Variants in ST18 observed in about 807,000 individuals in gnomAD.
ST18 encodes suppression of tumorigenicity 18 protein.
In ST18, 50 loss-of-function variants were observed where a neutral mutation model predicts 110.0. The ratio of observed to expected loss-of-function variants is 0.45; its 90% CI spans 0.36 to 0.58. ST18 has a LOEUF of 0.58. Ranked by LOEUF, ST18 falls within the 20% of genes least tolerant of loss-of-function variation. The pLI is 0.00. For synonymous variants in ST18, 461 were observed against 452.4 expected, an observed-to-expected ratio of 1.02 and a Z score of -0.24; for missense variants, 1,306 against 1,280.1, an observed-to-expected ratio of 1.02 and a Z score of -0.31.
intron 2 of ST18, among the ~76,000 whole-genome samples, chr8:52,336,854 C>T (rs1812336659): frequency 6.6e-6 from 1 of 152,220 alleles, no homozygotes; most frequent in African/African-American, 2.4e-5. Flanking sequence ...GTGGTGTACG[C>T]AGGTGGGGGT....
At chr8:52,405,360 C>T (rs979760745) in intron 2 of ST18, 1 of 152,192 alleles carries the variant, frequency 6.6e-6, no homozygotes. Context: ...AATTCTAAAA[C>T]TGCCTATGCG....
chr8:52,227,386 G>A (rs1433961778), intron 3 of ST18, among the ~76,000 whole-genome samples: 3 of 152,044 alleles, frequency 2.0e-5, no homozygotes, highest in Admixed American at 2.0e-4. Context: ...ACAGAGGGAG[G>A]CAAAAGGAAC....
intron 2 of ST18, among the ~76,000 whole-genome samples, chr8:52,291,163 C>T (rs2095550318): frequency 6.6e-6 from 1 of 152,244 alleles, no homozygotes; most frequent in Non-Finnish European, 1.5e-5. Context: ...AAGATTCCAT[C>T]AGTCTTTTTC....
chr8:52,177,435 C>A (rs2067359029), intron 9 of ST18, among the ~76,000 whole-genome samples: 1 of 152,176 alleles, frequency 6.6e-6, no homozygotes, highest in Non-Finnish European at 1.5e-5. Flanking sequence ...TGGGCACACA[C>A]CTGGCCAGGT....
chr8:52,296,180 G>T (rs2095634630), intron 2 of ST18, among the ~76,000 whole-genome samples: 1 of 152,110 alleles, frequency 6.6e-6, no homozygotes, highest in Non-Finnish European at 1.5e-5. Flanking sequence ...GCTTAGATTT[G>T]ATAAAGAAAA....
chr8:52,136,576 C>T lies in ST18; in HGVS notation c.2300+14G>A. On this transcript the variant is annotated intron_variant, in intron 19 of 25. Transcript: ENST00000689386. Reference sequence around the variant, plus strand: ...GTGGATGAAGGGCAAGCCGGCCACGCTTCCCGCACTTACTTAAGCTCCTGA... The same window carrying T: ...GTGGATGAAGGGCAAGCCGGCCACGTTTCCCGCACTTACTTAAGCTCCTGA... 1.2e-6 allele frequency: 2 copies of T among 1,606,536 alleles called. No homozygotes were observed. The highest frequency in any genetic ancestry group is 1.7e-6 in the Non-Finnish European group (2 of 1,176,780).
chr8:52,266,214 C>T (rs1280083263), intron 2 of ST18, among the ~76,000 whole-genome samples: 1 of 152,154 alleles, frequency 6.6e-6, no homozygotes, highest in Admixed American at 6.5e-5. Flanking sequence ...ATGCAATGAT[C>T]TGAGAGAAAG....
At chr8:52,170,468 A>C (rs555223093) in intron 10 of ST18, among the ~76,000 whole-genome samples, 1,675 of 151,032 alleles carry the variant, frequency 0.011, 38 homozygotes, top group African/African-American at 0.036. Flanking sequence ...ATAAATAAAT[A>C]AATAAATAAA....
At chr8:52,367,004 G>A (rs762030058) in intron 2 of ST18, among the ~76,000 whole-genome samples, 12 of 152,132 alleles carry the variant, frequency 7.9e-5, no homozygotes, top group Admixed American at 2.0e-4. Flanking sequence ...GGGCTGAGGC[G>A]TGCAGATCAC....
At chr8:52,212,231 T>A (rs1298542549) in intron 7 of ST18, 122 bp from the exon 8 acceptor site, 1 of 868,660 alleles carries the variant, frequency 1.2e-6, no homozygotes, top group Non-Finnish European at 1.8e-6. Flanking sequence ...GGTGGGTTCA[T>A]CTTTTCTTGT....
At chr8:52,365,040 G>A (rs983519938) in intron 2 of ST18, among the ~76,000 whole-genome samples, 4 of 151,964 alleles carry the variant, frequency 2.6e-5, no homozygotes, top group African/African-American at 4.8e-5. Context: ...CTTGAACCTC[G>A]GAGGCAGAGG....
intron 2 of ST18, among the ~76,000 whole-genome samples, chr8:52,401,805 C>A (rs1842874436): frequency 6.6e-6 from 1 of 151,892 alleles, no homozygotes; most frequent in Admixed American, 6.6e-5. Flanking sequence ...TTCTTTGTGG[C>A]CAGTTACTAG....
rs561249133 is a variant in ST18 at position 52,251,583 on chromosome 8, T to G, written c.-464-21506A>C. Among the ~76,000 whole-genome samples the G allele has an allele frequency of 2.0e-3, 293 of 148,122 alleles. 3 individuals are homozygous for G. The highest frequency in any genetic ancestry group is 0.012 in the Admixed American group (177 of 14,806). Reference sequence around the variant, plus strand: ...ATCAACACCGCATTGACTCAATCACTAAGATCTTTACCAGTAAAAGGAAAG... The same window carrying G: ...ATCAACACCGCATTGACTCAATCACGAAGATCTTTACCAGTAAAAGGAAAG... On this transcript the variant is annotated intron_variant, in intron 2 of 25. Transcript: ENST00000689386.
At chr8:52,299,186 A>G (rs1021267166) in intron 2 of ST18, among the ~76,000 whole-genome samples, 4 of 152,182 alleles carry the variant, frequency 2.6e-5, no homozygotes, top group Non-Finnish European at 5.9e-5. Context: ...ACATATTTAT[A>G]CACACATATG....
At chr8:52,212,193 G>T in intron 7 of ST18, 84 bp from the exon 8 acceptor site, 2 of 1,350,848 alleles carry the variant, frequency 1.5e-6, no homozygotes, top group Non-Finnish European at 1.0e-6. Context: ...CCCCCACCTA[G>T]AGGTAACGAC....
intron 2 of ST18, among the ~76,000 whole-genome samples, chr8:52,288,122 C>T (rs539439777): frequency 1.1e-4 from 17 of 152,314 alleles, no homozygotes; most frequent in South Asian, 2.1e-4. Flanking sequence ...CCCAGCCCTA[C>T]GCCTGATTCA....
In ST18 at chr8:52,171,823, G is replaced by A; in HGVS notation, c.1038C>T (p.Asp346=). The A allele has an allele frequency of 6.2e-7, 1 of 1,613,800 alleles. No homozygotes were observed. The highest frequency in any genetic ancestry group is 8.5e-7 in the Non-Finnish European group (1 of 1,179,812). ...AGERRQTKVI[D]MGGRQIFNNK... ...TGTTAAAGATTTGTCTTCCACCCAT[G>A]TCGATAACTTTGGTTTGCCTCCTTT... Residue 346 remains aspartate, a synonymous_variant, in exon 10 of 26, where the codon GAC becomes GAT. Coordinates refer to ENST00000689386, the MANE Select transcript of ST18 (RefSeq NM_001352837.2).
chr8:52,191,524 G>A (rs1218057760), intron 8 of ST18, among the ~76,000 whole-genome samples: 1 of 152,152 alleles, frequency 6.6e-6, no homozygotes, highest in African/African-American at 2.4e-5. Context: ...CCACAGTGGC[G>A]GGAGTACCTC....
intron 8 of ST18, among the ~76,000 whole-genome samples, chr8:52,184,602 G>A (rs2071245285): frequency 6.6e-6 from 1 of 152,166 alleles, no homozygotes; most frequent in African/African-American, 2.4e-5. Context: ...GAAGTCAAAT[G>A]TGTTGACCTT....
Sources: allele counts gnomAD v4.1 joint callset (sites outside exome capture counted in the v4.1 genomes callset), GRCh38; gene constraint gnomAD v4.1.1; transcripts MANE v1.5; gene names NCBI Gene and HGNC (gene_info 2026-07-23, HGNC 2026-07-21).